The following HUNK variants were observed in gnomAD, a reference collection of about 807,000 sequenced individuals.
The protein encoded by HUNK is hormonally up-regulated Neu-associated kinase, also known as hormonally up-regulated neu tumor-associated kinase.
Under a neutral mutation model 61.0 loss-of-function variants are expected in HUNK, and 21 were observed. The observed-to-expected ratio is 0.34, with a 90% CI of 0.24 to 0.50. The LOEUF (loss-of-function observed/expected upper bound fraction) is 0.50, where lower values mean the gene tolerates loss of function less well. Among genes scored for constraint, HUNK ranks in the 20% least tolerant of loss-of-function variants. The pLI is 0.98. For missense variants in HUNK, 772 were observed against 945.7 expected, an observed-to-expected ratio of 0.82 and a Z score of 2.41; for synonymous variants, 371 against 386.1, an observed-to-expected ratio of 0.96 and a Z score of 0.46.
At chr21:31,878,644 A>C (rs952712503) in intron 1 of HUNK, among the ~76,000 whole-genome samples, 2 of 152,196 alleles carry the variant, frequency 1.3e-5, no homozygotes, top group Non-Finnish European at 2.9e-5. Context: ...CTGACACATG[A>C]GAATTGCTTG....
rs572090768 is a variant in HUNK, at chr21:31,873,085, G to C, written c.-590G>C. Among the ~76,000 whole-genome samples the C allele has an allele frequency of 6.6e-6, 1 of 152,154 alleles. No individual in the cohort carries two copies. Among genetic ancestry groups the C allele is most frequent in the Non-Finnish European group, 1.5e-5 (1 of 68,020 alleles). ...GCATCTGTTCCCGCCGCCCGCGAGCGGATTAAATTTCTGCAAATTCAAACT... is the reference window on the plus strand; with the variant it reads ...GCATCTGTTCCCGCCGCCCGCGAGCCGATTAAATTTCTGCAAATTCAAACT... On this transcript the variant is annotated 5_prime_UTR_variant, in exon 1 of 11. Coordinates refer to ENST00000270112, the MANE Select transcript of HUNK (RefSeq NM_014586.2). The surrounding 1 kb of genome is among the most constrained non-coding windows in gnomAD (Gnocchi z 6.1).
At chr21:31,885,433 G>A (rs1378207952) in intron 1 of HUNK, among the ~76,000 whole-genome samples, 2 of 152,166 alleles carry the variant, frequency 1.3e-5, no homozygotes, top group African/African-American at 4.8e-5. Flanking sequence ...CCTGTCCCCT[G>A]TCACTCTCTG....
At chr21:31,940,314 A>G in intron 3 of HUNK, 94 bp downstream of exon 3, 1 of 695,770 alleles carries the variant, frequency 1.4e-6, no homozygotes, top group South Asian at 1.9e-5. Context: ...TATCTCTAAT[A>G]CCCAGACAAT....
At chr21:31,957,241 G>A (rs997469350) in intron 4 of HUNK, among the ~76,000 whole-genome samples, 3 of 152,204 alleles carry the variant, frequency 2.0e-5, no homozygotes, top group African/African-American at 7.2e-5. Flanking sequence ...CAAGAGGGCA[G>A]GTCTTTCTCT....
chr21:31,902,299 T>C (rs1348835331), intron 1 of HUNK, among the ~76,000 whole-genome samples: 1 of 152,022 alleles, frequency 6.6e-6, no homozygotes, highest in African/African-American at 2.4e-5. Flanking sequence ...TCACCTGAGG[T>C]TGGGAGTTCG....
At chr21:31,916,549 C>T (rs2052584211) in intron 1 of HUNK, among the ~76,000 whole-genome samples, 1 of 152,144 alleles carries the variant, frequency 6.6e-6, no homozygotes, top group Non-Finnish European at 1.5e-5. Context: ...TGACCTCTCT[C>T]CTGATGGGTT....
intron 1 of HUNK, among the ~76,000 whole-genome samples, chr21:31,886,931 C>T (rs146497013): frequency 4.1e-4 from 63 of 152,242 alleles, no homozygotes; most frequent in African/African-American, 1.4e-3. Context: ...CCACCGTGCC[C>T]GGCCAGAAAA....
In HUNK at chr21:32,002,005, C is replaced by T. The variant is rs2833600; in HGVS notation, c.*2821C>T. ...TGTGAAATACACTTTTCCCTCACTA[C>T]GACTGCTTCTTTATTTGCTGATAAA... On this transcript the variant is annotated 3_prime_UTR_variant, in exon 11 of 11. Transcript: ENST00000270112. 0.74 allele frequency: 112,608 copies of T among 152,630 alleles called. 41,772 individuals carry two copies. Among genetic ancestry groups the T allele is most frequent in the Non-Finnish European group, 0.78 (53,020 of 68,022 alleles). 9.5% of individuals were successfully genotyped at this position (152,630 alleles called of 1,614,324 possible).
chr21:31,980,113 C>A (rs1425956367), intron 7 of HUNK, among the ~76,000 whole-genome samples: 1 of 152,036 alleles, frequency 6.6e-6, no homozygotes, highest in Non-Finnish European at 1.5e-5. Context: ...ACTCTGTCAC[C>A]CAAGCTGGAG....
chr21:31,948,578 G>A (rs1006560401), intron 4 of HUNK, among the ~76,000 whole-genome samples: 1 of 152,076 alleles, frequency 6.6e-6, no homozygotes, highest in Admixed American at 6.5e-5. Context: ...CTCAGCACCT[G>A]GTGGAACTTG....
intron 9 of HUNK, among the ~76,000 whole-genome samples, chr21:31,991,655 G>C (rs777914673): frequency 1.4e-4 from 22 of 152,234 alleles, no homozygotes; most frequent in Non-Finnish European, 3.1e-4. Context: ...GGTGGCAGCA[G>C]TCAGCACTTG....
At position 31,873,996 on chromosome 21, in the gene HUNK, C is replaced by G; in HGVS notation, c.261+61C>G. 1 of 1,310,254 alleles carries G rather than the reference C, an allele frequency of 7.6e-7. No individual in the cohort carries two copies. Among genetic ancestry groups the G allele is most frequent in the Non-Finnish European group, 1.0e-6 (1 of 1,001,402 alleles). 81.2% of individuals were successfully genotyped at this position (1,310,254 alleles called of 1,614,324 possible). A position where few individuals can be genotyped will look rare whatever the true frequency, so the allele number is the denominator to read the frequency against. On this transcript the variant is annotated intron_variant, in intron 1 of 10. Transcript: ENST00000270112. This position sits in a 1 kb window ranked among gnomAD's most constrained non-coding sequence, Gnocchi z 6.1. Reference sequence around the variant, plus strand: ...GGGCGGGAGTCGGCGGCCAGGACCCCGCGGGGAGCACTGCACTGGGAGTCC... The same window carrying G: ...GGGCGGGAGTCGGCGGCCAGGACCCGGCGGGGAGCACTGCACTGGGAGTCC...
Position 32,002,596 on chromosome 21 carries a change from A to G in HUNK, c.*3412A>G, listed in dbSNP as rs1315926331. On this transcript the variant is annotated 3_prime_UTR_variant, in exon 11 of 11. Coordinates refer to ENST00000270112, the MANE Select transcript of HUNK (RefSeq NM_014586.2). ...TAGGATCTTCCTTGGAGACTCTGAA[A>G]ATGGCACACAAAGAATGGCAGTTAT... 1 of 152,240 alleles carries G rather than the reference A, an allele frequency of 6.6e-6. No homozygotes were observed. Among genetic ancestry groups the G allele is most frequent in the Admixed American group, 6.5e-5 (1 of 15,280 alleles). The allele number at this position is 152,240 out of a possible 1,614,324, so 9.4% of individuals were successfully genotyped here.
At position 31,885,521 on chromosome 21, in the gene HUNK, G is replaced by A. The variant is rs571432829; in HGVS notation, c.261+11586G>A. Among the ~76,000 whole-genome samples the A allele has an allele frequency of 5.9e-5, 9 of 152,252 alleles. No homozygotes were observed. In the East Asian group the frequency reaches 7.8e-4, roughly 13 times the overall value. On this transcript the variant is annotated intron_variant, in intron 1 of 10. Transcript: ENST00000270112. ...TGCCATAAGACAGCACCACAGACCCGGGGGCTGGAATAGCAAGGCCTTACT... is the reference window on the plus strand; with the variant it reads ...TGCCATAAGACAGCACCACAGACCCAGGGGCTGGAATAGCAAGGCCTTACT...
At chr21:31,936,726 G>A (rs1415608407) in intron 2 of HUNK, among the ~76,000 whole-genome samples, 1 of 152,024 alleles carries the variant, frequency 6.6e-6, no homozygotes, top group Non-Finnish European at 1.5e-5. Context: ...TTGAAAAGCG[G>A]ATATTTTTTT....
In HUNK at chr21:31,958,694, C is replaced by G; in HGVS notation, c.747-149C>G. The G allele has an allele frequency of 2.9e-6, 2 of 690,838 alleles. 1 individual carries two copies. The highest frequency in any genetic ancestry group is 4.9e-5 in the South Asian group (2 of 40,690). The allele number at this position is 690,838 out of a possible 1,614,324, so 42.8% of individuals were successfully genotyped here. The stretch of plus-strand genomic sequence containing the variant: ...CTCACCCAACTCTTTCAACATGACA[C>G]TGAGCATTCTACAAAGATGACTTTG... On this transcript the variant is annotated intron_variant, in intron 4 of 10. Transcript: ENST00000270112.
At chr21:31,991,809 G>A (rs2053173789) in intron 9 of HUNK, among the ~76,000 whole-genome samples, 1 of 152,210 alleles carries the variant, frequency 6.6e-6, no homozygotes, top group Admixed American at 6.5e-5. Context: ...GCCACATGTG[G>A]AAACAGGCAG....
At chr21:31,928,730 G>A (rs746953048) in intron 2 of HUNK, among the ~76,000 whole-genome samples, 29 of 152,258 alleles carry the variant, frequency 1.9e-4, no homozygotes, top group Middle Eastern at 3.4e-3. Context: ...TGGCTTTAAC[G>A]GAATGTCTTG....
chr21:31,873,214 G>C lies in HUNK; in HGVS notation c.-461G>C, dbSNP rs2052227453. 6.6e-6 allele frequency: 1 copy of C among 151,992 alleles called. No homozygotes were observed. Among genetic ancestry groups the C allele is most frequent in the Non-Finnish European group, 1.5e-5 (1 of 68,012 alleles). The allele number at this position is 151,992 out of a possible 1,614,324, so 9.4% of individuals were successfully genotyped here. ...CAGCGCACGGCTAGGAGCGATCGCGGGAGCCCGACCCAAGCCCGTGCGGGC... is the reference window on the plus strand; with the variant it reads ...CAGCGCACGGCTAGGAGCGATCGCGCGAGCCCGACCCAAGCCCGTGCGGGC... On this transcript the variant is annotated 5_prime_UTR_variant, in exon 1 of 11. Coordinates refer to ENST00000270112, the MANE Select transcript of HUNK (RefSeq NM_014586.2). The surrounding 1 kb of genome is among the most constrained non-coding windows in gnomAD (Gnocchi z 6.1).
Sources: allele counts gnomAD v4.1 joint callset (sites outside exome capture counted in the v4.1 genomes callset), GRCh38; gene constraint gnomAD v4.1.1; non-coding constraint Gnocchi (gnomAD v3.1); transcripts MANE v1.5; gene names NCBI Gene and HGNC (gene_info 2026-07-23, HGNC 2026-07-21).